CDC73: variants seen among roughly 807,000 people sequenced by gnomAD.
CDC73 encodes cell division cycle 73, also known as parafibromin.
CDC73 carries 21 observed loss-of-function variants against 83.7 expected under a neutral mutation model. The ratio of observed to expected loss-of-function variants is 0.25; its 90% CI spans 0.18 to 0.36. The LOEUF (loss-of-function observed/expected upper bound fraction) is 0.36. Among genes scored for constraint, CDC73 ranks in the 10% least tolerant of loss-of-function variants. The probability of loss-of-function intolerance (pLI) is 1.00; values close to 1 mark genes in which losing one functional copy is unlikely to be tolerated. For missense variants in CDC73, 342 were observed against 653.3 expected, an observed-to-expected ratio of 0.52 and a Z score of 5.19; for synonymous variants, 224 against 212.9, an observed-to-expected ratio of 1.05 and a Z score of -0.45.
intron 13 of CDC73, 78 bp from the exon 14 acceptor site, chr1:193,232,914 AT>A (rs1225431174): frequency 8.1e-5 from 106 of 1,305,316 alleles, no homozygotes; most frequent in South Asian, 1.0e-4. Context: ...AAAAAAAAAA[AT>A]ATTTCAAATT....
At chr1:193,214,297 G>A (rs924848369) in intron 13 of CDC73, among the ~76,000 whole-genome samples, 22 of 152,144 alleles carry the variant, frequency 1.4e-4, no homozygotes, top group Middle Eastern at 3.2e-3. Flanking sequence ...TAAAGTTCCC[G>A]TTCCAATAAT....
chr1:193,124,961 T>G, intron 1 of CDC73, 151 bp from the exon 2 acceptor site: 1 of 651,242 alleles, frequency 1.5e-6, no homozygotes, highest in Middle Eastern at 3.6e-4. Flanking sequence ...TTTGTGATCA[T>G]GACAGTCTAT....
intron 10 of CDC73, among the ~76,000 whole-genome samples, chr1:193,175,642 T>C (rs1676587821): frequency 6.6e-6 from 1 of 152,262 alleles, no homozygotes; most frequent in Non-Finnish European, 1.5e-5. Context: ...GCATAACAAC[T>C]ATTTACATAG....
intron 10 of CDC73, among the ~76,000 whole-genome samples, chr1:193,178,346 A>G (rs1417848952): frequency 1.3e-5 from 2 of 152,142 alleles, no homozygotes. Context: ...GAAACTTGAG[A>G]TAGGAAGAAT....
At chr1:193,199,838 A>G (rs373019322) in intron 10 of CDC73, among the ~76,000 whole-genome samples, 4 of 152,130 alleles carry the variant, frequency 2.6e-5, no homozygotes, top group East Asian at 1.9e-4. Context: ...GGGTATGACT[A>G]TTATTTAAAT....
chr1:193,197,579 T>C (rs1346847552), intron 10 of CDC73, among the ~76,000 whole-genome samples: 1 of 152,144 alleles, frequency 6.6e-6, no homozygotes, highest in Non-Finnish European at 1.5e-5. Context: ...CGTGCTCTTG[T>C]TTATATTTCT....
chr1:193,204,277 GTA>G (rs1366659303), intron 11 of CDC73, among the ~76,000 whole-genome samples: 1 of 131,234 alleles, frequency 7.6e-6, no homozygotes, highest in East Asian at 2.1e-4. Flanking sequence ...GTGTGTGTGT[GTA>G]TATATATATT....
intron 2 of CDC73, chr1:193,127,943 A>G (rs1234506113): frequency 6.7e-6 from 1 of 149,648 alleles, no homozygotes; most frequent in African/African-American, 2.5e-5. Flanking sequence ...GGCACACGCC[A>G]CCATGCCTGG....
intron 2 of CDC73, among the ~76,000 whole-genome samples, chr1:193,127,288 A>ATGT (rs747114430): frequency 2.2e-4 from 15 of 68,154 alleles, no homozygotes; most frequent in Admixed American, 3.3e-4. Flanking sequence ...AAAAAAAAAA[A>ATGT]ATGTGTGTGT....
intron 10 of CDC73, among the ~76,000 whole-genome samples, chr1:193,200,072 A>G (rs539526844): frequency 6.6e-6 from 1 of 151,706 alleles, no homozygotes; most frequent in African/African-American, 2.4e-5. Context: ...ACCAAAAAAA[A>G]AAAAAACAAA....
At position 193,250,680 on chromosome 1, in the gene CDC73, AT is replaced by A; in HGVS notation, c.1565del (p.Met522ArgfsTer2). Reference sequence around the variant, plus strand: ...CTACCATAATATTTTTTTCAGGTACATGGTAAAGCATAAATCGCACTTGAGA... The same window carrying A: ...CTACCATAATATTTTTTTCAGGTACAGGTAAAGCATAAATCGCACTTGAGA... Reference protein sequence around the residue: ...LRFWETLDRYMVKHKSHLRF With the variant: ...LRFWETLDRYXVKHKSHLRF On this transcript the variant is annotated frameshift_variant, in exon 17 of 17. Transcript: ENST00000367435. LOFTEE classifies it high-confidence loss of function. 2 of 1,607,138 alleles carry A rather than the reference AT, an allele frequency of 1.2e-6. No individual in the cohort carries two copies. The highest frequency in any genetic ancestry group is 1.7e-6 in the Non-Finnish European group (2 of 1,174,434).
chr1:193,162,136 A>G (rs1435963510), intron 10 of CDC73, among the ~76,000 whole-genome samples: 3 of 50,400 alleles, frequency 6.0e-5, no homozygotes, highest in African/African-American at 2.1e-4. Context: ...ATTGTATATA[A>G]TATATATTAT....
chr1:193,243,361 TAA>T (rs1030389046), intron 15 of CDC73, among the ~76,000 whole-genome samples: 31 of 152,376 alleles, frequency 2.0e-4, no homozygotes, highest in African/African-American at 7.2e-4. Flanking sequence ...TTCATGCGAA[TAA>T]AGTATGAGTG....
chr1:193,247,632 TC>T (rs1372955198), intron 15 of CDC73, among the ~76,000 whole-genome samples: 1 of 152,080 alleles, frequency 6.6e-6, no homozygotes, highest in Non-Finnish European at 1.5e-5. Context: ...GAAAACTTCT[TC>T]AGGGAAGTTA....
At chr1:193,180,456 G>C in intron 10 of CDC73, 1 of 1,614,044 alleles carries the variant, frequency 6.2e-7, no homozygotes, top group Non-Finnish European at 8.5e-7. Flanking sequence ...TCGAATAAGA[G>C]ACTCGCCAGT....
chr1:193,129,225 C>G (rs1288225466), intron 2 of CDC73, among the ~76,000 whole-genome samples: 1 of 151,414 alleles, frequency 6.6e-6, no homozygotes, highest in Admixed American at 6.6e-5. Flanking sequence ...CTTGAACTCC[C>G]GACCTCATGA....
At chr1:193,168,566 C>A (rs911212110) in intron 10 of CDC73, among the ~76,000 whole-genome samples, 4 of 151,564 alleles carry the variant, frequency 2.6e-5, no homozygotes, top group African/African-American at 9.7e-5. Context: ...CTCTCTGTCA[C>A]CCAGATGGAA....
intron 10 of CDC73, among the ~76,000 whole-genome samples, chr1:193,198,605 A>G (rs1182813935): frequency 6.6e-6 from 1 of 152,244 alleles, no homozygotes; most frequent in Non-Finnish European, 1.5e-5. Flanking sequence ...ATTTTGGTAT[A>G]GTAGCACAAA....
chr1:193,200,641 G>A (rs1040175153), intron 10 of CDC73, among the ~76,000 whole-genome samples: 2 of 152,052 alleles, frequency 1.3e-5, no homozygotes, highest in Non-Finnish European at 2.9e-5. Context: ...TTTTTGTGCC[G>A]ATACCTTTCT....
Sources: gnomAD v4.1 joint callset for allele counts (sites outside exome capture counted in the v4.1 genomes callset) on GRCh38, gnomAD v4.1.1 for gene constraint, MANE v1.5 for transcripts, NCBI Gene and HGNC (gene_info 2026-07-23, HGNC 2026-07-21) for gene names.